Variants in ZEB2 observed in about 807,000 individuals in gnomAD.
The protein encoded by ZEB2 is zinc finger E-box binding homeobox 2.
Under a neutral mutation model 99.9 loss-of-function variants are expected in ZEB2, and 6 were observed. The observed-to-expected ratio is 0.06, with a 90% confidence interval of 0.03 to 0.12. The LOEUF is 0.12. Ranked by LOEUF, ZEB2 falls within the 10% of genes least tolerant of loss-of-function variation. The probability of loss-of-function intolerance (pLI) is 1.00; values close to 1 mark genes in which losing one functional copy is unlikely to be tolerated. For synonymous variants in ZEB2, 517 were observed against 542.5 expected (o/e 0.95, Z 0.65); for missense variants, 969 against 1,502.8 (o/e 0.64, Z 5.87).
intron 6 of ZEB2, among the ~76,000 whole-genome samples, chr2:144,402,297 A>C (rs1352004352): frequency 2.0e-5 from 3 of 152,180 alleles, no homozygotes; most frequent in African/African-American, 7.2e-5. Context: ...GCAAAAAGAC[A>C]GCACAGAAAC....
chr2:144,389,520 A>G lies in ZEB2; in HGVS notation c.3576T>C (p.Asp1192=). The change falls in exon 10 of 10, where the codon GAT becomes GAC. Residue 1192 remains aspartate, a synonymous_variant. Coordinates refer to ENST00000627532, the MANE Select transcript of ZEB2 (RefSeq NM_014795.4). The surrounding 1 kb of genome is among the most constrained non-coding windows in gnomAD (Gnocchi z 6.8). The part of the protein sequence containing the change: ...EEETGDHSMD[D]SSEDGKMETK... ...TTTCCATTTTCCCATCCTCCGAACT[A>G]TCGTCCATGGAGTGATCTCCAGTCT... is the stretch of plus-strand genomic sequence containing the variant. 5.0e-6 allele frequency: 8 copies of G among 1,613,390 alleles called. No homozygotes were observed. The highest frequency in any genetic ancestry group is 2.2e-5 in the East Asian group (1 of 44,850).
intron 2 of ZEB2, among the ~76,000 whole-genome samples, chr2:144,449,196 A>G (rs897428820): frequency 1.3e-5 from 2 of 152,196 alleles, no homozygotes; most frequent in Non-Finnish European, 2.9e-5. Context: ...AAACCTGAGA[A>G]TGAACTTCTA....
chr2:144,483,741 G>T (rs188766781), intron 2 of ZEB2, among the ~76,000 whole-genome samples: 1 of 152,230 alleles, frequency 6.6e-6, no homozygotes, highest in East Asian at 1.9e-4. Flanking sequence ...TAGTGAGTCA[G>T]GAGCCAAACC....
chr2:144,496,348 T>C (rs370379592), intron 2 of ZEB2: 1 of 152,268 alleles, frequency 6.6e-6, no homozygotes, highest in African/African-American at 2.4e-5. Context: ...TAACTGTCTC[T>C]TTCCAAACTC....
chr2:144,398,454 T>C lies in ZEB2; in HGVS notation c.2733A>G (p.Pro911=), dbSNP rs750408329. Residue 911 remains proline, a synonymous_variant, in exon 8 of 10, where the codon CCA becomes CCG. Coordinates refer to ENST00000627532, the MANE Select transcript of ZEB2 (RefSeq NM_014795.4). ...GCCCAGGAATACTGGTCTGGACTGG[T>C]GGCATGAAAGTAGCAGGGGGAAATG... ...QSAFPPATFM[P]PVQTSIPGLR... 1.8e-5 allele frequency: 29 copies of C among 1,613,930 alleles called. No individual in the cohort carries two copies. The highest frequency in any genetic ancestry group is 2.5e-5 in the Non-Finnish European group (29 of 1,179,988).
chr2:144,450,454 C>T (rs918619629), intron 2 of ZEB2: 1 of 152,054 alleles, frequency 6.6e-6, no homozygotes, highest in Non-Finnish European at 1.5e-5. Context: ...ACTATTTTAC[C>T]TTTGGATTAT....
At position 144,399,042 on chromosome 2, in the gene ZEB2, T is replaced by C; in HGVS notation, c.2145A>G (p.Leu715=). Reference sequence around the variant, plus strand: ...TTGTGGGAGGGTTACTGTTGGGAGCTAACGGCTTGGAGCTTCTTTCCAGGG... The same window carrying C: ...TTGTGGGAGGGTTACTGTTGGGAGCCAACGGCTTGGAGCTTCTTTCCAGGG... The part of the protein sequence containing the change: ...SPSLERSSKP[L]APNSNPPTKD... Residue 715 remains leucine (L), a synonymous_variant, in exon 8 of 10, where the codon TTA becomes TTG. Transcript: ENST00000627532. This position sits in a 1 kb window ranked among gnomAD's most constrained non-coding sequence, Gnocchi z 5.6. 6.2e-7 allele frequency: 1 copy of C among 1,614,140 alleles called. No individual in the cohort carries two copies.
chr2:144,427,122 A>C (rs1703700288), intron 3 of ZEB2: 1 of 152,202 alleles, frequency 6.6e-6, no homozygotes, highest in Non-Finnish European at 1.5e-5. Flanking sequence ...CCCTGGGATG[A>C]AGATTTGTAA....
chr2:144,405,797 C>G (rs1428440414), intron 4 of ZEB2, among the ~76,000 whole-genome samples: 1 of 152,184 alleles, frequency 6.6e-6, no homozygotes, highest in Non-Finnish European at 1.5e-5. Flanking sequence ...GTAATTATGA[C>G]TCTATTCCTG....
chr2:144,494,074 CCCG>C (rs1704724127), intron 2 of ZEB2, among the ~76,000 whole-genome samples: 1 of 136,894 alleles, frequency 7.3e-6, no homozygotes, highest in African/African-American at 2.7e-5. Flanking sequence ...ATGGCCTGAA[CCCG>C]GGAGGCGGAG....
chr2:144,457,368 A>C (rs1256415235), intron 2 of ZEB2, among the ~76,000 whole-genome samples: 2 of 152,088 alleles, frequency 1.3e-5, no homozygotes, highest in African/African-American at 4.8e-5. Context: ...CTGATTCCTG[A>C]CTCCAGAAAC....
chr2:144,454,199 G>A (rs188270598), intron 2 of ZEB2, among the ~76,000 whole-genome samples: 111 of 152,244 alleles, frequency 7.3e-4, no homozygotes, highest in Non-Finnish European at 1.2e-3. Flanking sequence ...ATGTTGCTTC[G>A]TATTTGGGAA....
In ZEB2 at chr2:144,515,214, T is replaced by A. The variant is rs528688648; in HGVS notation, c.73+2064A>T. Among the ~76,000 whole-genome samples, 28 of 148,900 alleles carry A rather than the reference T, an allele frequency of 1.9e-4. 1 individual carries two copies. The highest frequency in any genetic ancestry group is 6.7e-4 in the African/African-American group (27 of 40,586). On this transcript the variant is annotated intron_variant, in intron 2 of 9. Coordinates refer to ENST00000627532, the MANE Select transcript of ZEB2 (RefSeq NM_014795.4). ...CTCTTTTTCTCTCAAAAAAAAAAAA[T>A]GACTGTTTAACAGAAGAGGGAAAAA...
chr2:144,404,942 G>C lies in ZEB2; in HGVS notation c.486C>G (p.Ser162Arg). The C allele has an allele frequency of 1.2e-6, 2 of 1,614,252 alleles. No homozygotes were observed. Among genetic ancestry groups the C allele is most frequent in the Non-Finnish European group, 1.7e-6 (2 of 1,180,044 alleles). The change falls in exon 5 of 10, where the codon AGC (serine) becomes AGG (arginine). Residue 162 changes from serine to arginine, a missense_variant. Physicochemically the swap from Ser to Arg is moderately radical, Grantham distance 110. This residue lies in a region of ZEB2 where 173 missense variants were observed against 217.7 expected (regional missense o/e 0.79). Coordinates refer to ENST00000627532, the MANE Select transcript of ZEB2 (RefSeq NM_014795.4). ...CACTGCGCTGAAGGTACTCCTCGAT[G>C]CTGACTGCATGACCATCGCGTTCCT... ...KLEERDGHAV[S>R]IEEYLQRSDT...
At chr2:144,394,516 T>G (rs552314522) in intron 9 of ZEB2, 144 of 152,322 alleles carry the variant, frequency 9.5e-4, no homozygotes, top group African/African-American at 3.3e-3. Context: ...TTAAGGTTGA[T>G]TAAAATATTA....
chr2:144,473,030 T>C (rs923261518), intron 2 of ZEB2, among the ~76,000 whole-genome samples: 3 of 152,010 alleles, frequency 2.0e-5, no homozygotes, highest in African/African-American at 7.3e-5. Context: ...TAAGCTGGAA[T>C]TTGATATGTG....
chr2:144,430,125 TA>T, intron 2 of ZEB2, 99 bp from the exon 3 acceptor site: 5 of 1,487,882 alleles, frequency 3.4e-6, no homozygotes, highest in Non-Finnish European at 4.6e-6. Context: ...AATATTTTCA[TA>T]ACTGAATTAC....
chr2:144,387,805 T>C lies in ZEB2; in HGVS notation c.*1646A>G, dbSNP rs1379837514. ...TAACCTCACATAAAAATACACAATC[T>C]GGAATCAGGATCAGTTGAGAAAAGC... On this transcript the variant is annotated 3_prime_UTR_variant, in exon 10 of 10. Coordinates refer to ENST00000627532, the MANE Select transcript of ZEB2 (RefSeq NM_014795.4). 1 of 152,136 alleles carries C rather than the reference T, an allele frequency of 6.6e-6. No individual in the cohort carries two copies. The highest frequency in any genetic ancestry group is 2.4e-5 in the African/African-American group (1 of 41,440). The allele number at this position is 152,136 out of a possible 1,614,324, so 9.4% of individuals were successfully genotyped here.
intron 2 of ZEB2, among the ~76,000 whole-genome samples, chr2:144,490,935 T>G (rs939227377): frequency 2.0e-5 from 3 of 152,260 alleles, no homozygotes; most frequent in Non-Finnish European, 2.9e-5. Flanking sequence ...GCCTCTGCGA[T>G]AAAGCCTCCC....
Sources: allele counts gnomAD v4.1 joint callset (sites outside exome capture counted in the v4.1 genomes callset), GRCh38; gene constraint gnomAD v4.1.1; regional missense constraint gnomAD v4.1.1; non-coding constraint Gnocchi (gnomAD v3.1); transcripts MANE v1.5; gene names NCBI Gene and HGNC (gene_info 2026-07-23, HGNC 2026-07-21).